The following STS variants were observed in gnomAD, a reference collection of about 807,000 sequenced individuals.
The protein encoded by STS is steroid sulfatase.
In STS, 7 loss-of-function variants were observed where a neutral mutation model predicts 26.8. The ratio of observed to expected loss-of-function variants is 0.26; its 90% confidence interval spans 0.15 to 0.49. The LOEUF is 0.49. Ranked by LOEUF, STS falls within the 20% of genes least tolerant of loss-of-function variation. STS has a pLI of 0.98. For missense variants in STS, 434 were observed against 465.6 expected, an observed-to-expected ratio of 0.93 and a Z score of 0.63; for synonymous variants, 199 against 189.4, an observed-to-expected ratio of 1.05 and a Z score of -0.42.
intron 2 of STS, among the ~76,000 whole-genome samples, chrX:7,223,325 C>T (rs1025104330): frequency 8.9e-6 from 1 of 111,935 alleles, no homozygotes; most frequent in African/African-American, 3.2e-5. Context: ...ATCTCCATAC[C>T]GTTTTCCATA....
intron 6 of STS, among the ~76,000 whole-genome samples, chrX:7,267,072 T>C (rs186384493): frequency 8.9e-6 from 1 of 112,181 alleles, no homozygotes; most frequent in African/African-American, 3.2e-5. Context: ...TAAACAGAAC[T>C]AACTCAACCT....
At chrX:7,280,459 A>AT (rs1386679117) in intron 7 of STS, among the ~76,000 whole-genome samples, 4 of 112,030 alleles carry the variant, frequency 3.6e-5, no homozygotes, top group Non-Finnish European at 5.6e-5. Flanking sequence ...GCAAAGTCTG[A>AT]TTTTCAATCC....
At chrX:7,173,079 C>T (rs747783210) in intron 1 of STS, among the ~76,000 whole-genome samples, 56 of 111,111 alleles carry the variant, frequency 5.0e-4, no homozygotes, top group African/African-American at 1.8e-3. Flanking sequence ...TTTCCTGGTG[C>T]TCTACCCCCA....
chrX:7,180,270 C>CG (rs1209481236), intron 1 of STS, among the ~76,000 whole-genome samples: 1 of 111,506 alleles, frequency 9.0e-6, no homozygotes, highest in Non-Finnish European at 1.9e-5. Context: ...ACGATCCCAT[C>CG]GGGGGGTGAT....
chrX:7,280,164 T>G (rs1924792043), intron 7 of STS, among the ~76,000 whole-genome samples: 1 of 112,084 alleles, frequency 8.9e-6, no homozygotes, highest in Non-Finnish European at 1.9e-5. Context: ...TGCTTAAATG[T>G]TTTTTGGCAG....
Position 7,147,981 on chromosome X carries a change from T to C in STS, c.-236T>C. On this transcript the variant is annotated 5_prime_UTR_variant, in exon 1 of 11. Transcript: ENST00000674429. ...CCGCCGCGGCCCCCAGGCCGTGACG[T>C]ACCCCGCGCCGACCGTCCCCACGCC... 2 of 836,874 alleles carry C rather than the reference T, an allele frequency of 2.4e-6. No homozygotes were observed. The highest frequency in any genetic ancestry group is 5.9e-5 in the Admixed American group (2 of 33,629). The allele number at this position is 836,874 out of a possible 1,213,427, so 69.0% of individuals were successfully genotyped here.
chrX:7,257,801 A>ATG lies in STS; in HGVS notation c.382+231_382+232dup, dbSNP rs751759238. On this transcript the variant is annotated intron_variant, in intron 5 of 10. Coordinates refer to ENST00000674429, the MANE Select transcript of STS (RefSeq NM_001320752.2). Reference sequence around the variant, plus strand: ...CTATCTGGACTACTCAAATGTATAGATGTGTGTGTGTGTGTGTGTTGTGTG... The same window carrying ATG: ...CTATCTGGACTACTCAAATGTATAGATGTGTGTGTGTGTGTGTGTGTTGTGTG... Among the ~76,000 whole-genome samples the ATG allele has an allele frequency of 2.8e-3, 269 of 97,415 alleles. 1 individual carries two copies. The highest frequency in any genetic ancestry group is 6.7e-3 in the South Asian group (15 of 2,247). The allele number at this position is 97,415 out of a possible 115,157, so 84.6% of individuals were successfully genotyped here.
In STS at chrX:7,205,849, C is replaced by T. The variant is rs760454353; in HGVS notation, c.-5+14841C>T. On this transcript the variant is annotated intron_variant, in intron 2 of 10. Coordinates refer to ENST00000674429, the MANE Select transcript of STS (RefSeq NM_001320752.2). The stretch of plus-strand genomic sequence containing the variant: ...CAGTCTGGTCTGGAGCTCCCAGGCT[C>T]AAGCAATCTTCCTGCCTCAGCCTCA... 4.6e-5 allele frequency among the ~76,000 whole-genome samples: 5 copies of T among 109,119 alleles called. No individual in the cohort carries two copies. The South Asian group carries it at 2.1e-3, about 46-fold the overall frequency. The allele number at this position is 109,119 out of a possible 115,157, so 94.8% of individuals were successfully genotyped here. A position where few individuals can be genotyped will look rare whatever the true frequency, so the allele number is the denominator to read the frequency against.
intron 1 of STS, among the ~76,000 whole-genome samples, chrX:7,179,390 T>C (rs1285653001): frequency 9.1e-6 from 1 of 109,542 alleles, no homozygotes; most frequent in Non-Finnish European, 1.9e-5. Flanking sequence ...GAGCTCTCTC[T>C]GTCCTTCTCA....
chrX:7,162,343 A>T (rs1282956926), intron 1 of STS, among the ~76,000 whole-genome samples: 2 of 111,363 alleles, frequency 1.8e-5, no homozygotes, highest in African/African-American at 6.5e-5. Context: ...TGCAAGTACC[A>T]ATGTCAATAA....
chrX:7,327,537 C>G (rs1013633804), intron 9 of STS, among the ~76,000 whole-genome samples: 1 of 109,777 alleles, frequency 9.1e-6, no homozygotes, highest in Admixed American at 9.8e-5. Flanking sequence ...GCATGCACCA[C>G]CACGCCCAGT....
intron 8 of STS, among the ~76,000 whole-genome samples, chrX:7,306,036 G>A (rs774976284): frequency 1.4e-4 from 16 of 111,506 alleles, no homozygotes; most frequent in Non-Finnish European, 3.8e-5. Flanking sequence ...TGCAGCATTA[G>A]CTGAGCCACT....
At chrX:7,333,436 C>T (rs1927854111) in intron 9 of STS, among the ~76,000 whole-genome samples, 1 of 111,943 alleles carries the variant, frequency 8.9e-6, no homozygotes, top group East Asian at 2.8e-4. Flanking sequence ...TTAATGGTAT[C>T]ATTATTATTA....
intron 2 of STS, among the ~76,000 whole-genome samples, chrX:7,251,287 T>C (rs766413673): frequency 3.6e-5 from 4 of 111,365 alleles, no homozygotes; most frequent in Non-Finnish European, 5.6e-5. Flanking sequence ...AGAGACACAA[T>C]AGGAAACTCA....
intron 7 of STS, among the ~76,000 whole-genome samples, chrX:7,296,279 G>A (rs1925657543): frequency 8.9e-6 from 1 of 111,988 alleles, no homozygotes; most frequent in Admixed American, 9.4e-5. Context: ...ACCTCCCAGG[G>A]CAAGTTCAGC....
At chrX:7,199,974 A>C (rs1934039396) in intron 2 of STS, among the ~76,000 whole-genome samples, 2 of 111,002 alleles carry the variant, frequency 1.8e-5, no homozygotes, top group African/African-American at 6.5e-5. Context: ...AATAACACTG[A>C]ACCTAATAAT....
At chrX:7,321,173 C>A (rs1480912279) in intron 8 of STS, among the ~76,000 whole-genome samples, 3 of 111,584 alleles carry the variant, frequency 2.7e-5, no homozygotes, top group Non-Finnish European at 5.6e-5. Flanking sequence ...AATGCACGAA[C>A]CTAAAACCAA....
At position 7,190,989 on chromosome X, in the gene STS, C is replaced by A. The variant is rs1475036564; in HGVS notation, c.-24C>A. On this transcript the variant is annotated 5_prime_UTR_variant, in exon 2 of 11. Transcript: ENST00000674429. The stretch of plus-strand genomic sequence containing the variant: ...CTTCCTGAGGACAATGGCGCAAGAT[C>A]GTCTTCAGCTGTTCATAGCGTAAGT... The A allele has an allele frequency of 1.3e-6, 1 of 751,432 alleles. No homozygotes were observed. Among genetic ancestry groups the A allele is most frequent in the African/African-American group, 2.3e-5 (1 of 42,860 alleles). The allele number at this position is 751,432 out of a possible 1,213,427, so 61.9% of individuals were successfully genotyped here.
At chrX:7,195,926 A>G (rs1933964248) in intron 2 of STS, among the ~76,000 whole-genome samples, 1 of 112,373 alleles carries the variant, frequency 8.9e-6, no homozygotes, top group Non-Finnish European at 1.9e-5. Flanking sequence ...GAAAGATATT[A>G]AGCTGTTTAT....
Sources: gnomAD v4.1 joint callset for allele counts (sites outside exome capture counted in the v4.1 genomes callset) on GRCh38, gnomAD v4.1.1 for gene constraint, MANE v1.5 for transcripts, NCBI Gene and HGNC (gene_info 2026-07-23, HGNC 2026-07-21) for gene names.